SHC3: variants seen among roughly 807,000 people sequenced by gnomAD.
SHC3 encodes SHC-transforming protein 3.
A neutral mutation model predicts 60.4 loss-of-function variants in SHC3; 15 were observed. That is an observed-to-expected ratio of 0.25 (90% confidence interval 0.17 to 0.38). The LOEUF (loss-of-function observed/expected upper bound fraction) is 0.38, where lower values mean the gene tolerates loss of function less well. Among genes scored for constraint, SHC3 ranks in the 10% least tolerant of loss-of-function variants. The pLI, the probability that SHC3 is intolerant of heterozygous loss-of-function variation, is 1.00. For missense variants in SHC3, 677 were observed against 786.1 expected, an observed-to-expected ratio of 0.86 and a Z score of 1.66; for synonymous variants, 294 against 325.9, an observed-to-expected ratio of 0.90 and a Z score of 1.05.
intron 1 of SHC3, among the ~76,000 whole-genome samples, chr9:89,131,922 G>C (rs2118170002): frequency 6.6e-6 from 1 of 152,298 alleles, no homozygotes; most frequent in East Asian, 1.9e-4. Context: ...AATCAGGCAA[G>C]AGAAAGAAAT....
chr9:89,143,537 C>T (rs1826426138), intron 1 of SHC3, among the ~76,000 whole-genome samples: 1 of 152,108 alleles, frequency 6.6e-6, no homozygotes, highest in Non-Finnish European at 1.5e-5. Flanking sequence ...TCTGACACTT[C>T]CACCCAGGAG....
At chr9:89,145,627 G>C (rs1785130139) in intron 1 of SHC3, among the ~76,000 whole-genome samples, 1 of 152,176 alleles carries the variant, frequency 6.6e-6, no homozygotes, top group Admixed American at 6.5e-5. Context: ...GGAGTAATAG[G>C]ACAAACTTTC....
intron 1 of SHC3, among the ~76,000 whole-genome samples, chr9:89,166,410 T>C (rs906251925): frequency 3.9e-5 from 6 of 151,968 alleles, no homozygotes; most frequent in South Asian, 2.1e-4. Context: ...GATGAAGGAA[T>C]ACACTAGTGA....
chr9:89,080,393 C>T (rs929672065), intron 2 of SHC3, among the ~76,000 whole-genome samples: 4 of 152,276 alleles, frequency 2.6e-5, no homozygotes, highest in Middle Eastern at 3.4e-3. Flanking sequence ...CCAGCCCAAC[C>T]GCCAGATGTG....
At chr9:89,150,194 G>T (rs1244413909) in intron 1 of SHC3, among the ~76,000 whole-genome samples, 1 of 152,138 alleles carries the variant, frequency 6.6e-6, no homozygotes, top group African/African-American at 2.4e-5. Context: ...CACGTATGGG[G>T]TTCAGTATTA....
At chr9:89,036,707 G>T (rs1293421007) in intron 11 of SHC3, among the ~76,000 whole-genome samples, 2 of 152,120 alleles carry the variant, frequency 1.3e-5, no homozygotes, top group African/African-American at 4.8e-5. Flanking sequence ...AACAAAATGG[G>T]ATTTGTGGAA....
chr9:89,031,172 C>A (rs1824480907), intron 11 of SHC3, among the ~76,000 whole-genome samples: 1 of 152,174 alleles, frequency 6.6e-6, no homozygotes, highest in East Asian at 1.9e-4. Context: ...AGATGTGAGC[C>A]ACCACACCTG....
rs572522230 is a variant in SHC3 at position 89,142,180 on chromosome 9, A to G, written c.475-29554T>C. On this transcript the variant is annotated intron_variant, in intron 1 of 11. Coordinates refer to ENST00000375835, the MANE Select transcript of SHC3 (RefSeq NM_016848.6). ...AGGACTTTACTAAATGGCTCCTCCA[A>G]CCCCCTAAATCTTAGGAATGACTCT... is the stretch of plus-strand genomic sequence containing the variant. 2.0e-5 allele frequency among the ~76,000 whole-genome samples: 3 copies of G among 152,198 alleles called. No homozygotes were observed. In the East Asian group the frequency reaches 5.8e-4, roughly 29 times the overall value.
intron 11 of SHC3, among the ~76,000 whole-genome samples, chr9:89,014,419 G>A (rs948855838): frequency 6.6e-6 from 1 of 152,136 alleles, no homozygotes; most frequent in Admixed American, 6.5e-5. Context: ...CAATCTCCTG[G>A]GAGTTGCATG....
intron 11 of SHC3, among the ~76,000 whole-genome samples, chr9:89,023,124 A>G (rs1022948728): frequency 6.6e-6 from 1 of 152,088 alleles, no homozygotes; most frequent in Non-Finnish European, 1.5e-5. Context: ...AGAAGCGAAC[A>G]CTCAGGGAGA....
intron 1 of SHC3, among the ~76,000 whole-genome samples, chr9:89,137,016 A>G (rs1826329757): frequency 6.6e-6 from 1 of 152,158 alleles, no homozygotes; most frequent in Non-Finnish European, 1.5e-5. Context: ...ACATGCTTGG[A>G]GCAGGATGGA....
intron 1 of SHC3, among the ~76,000 whole-genome samples, chr9:89,118,819 C>T (rs1292153626): frequency 6.6e-6 from 1 of 152,132 alleles, no homozygotes; most frequent in East Asian, 1.9e-4. Context: ...AGAAATTTAA[C>T]CACCCACAGA....
At chr9:89,080,813 C>T (rs1301364509) in intron 2 of SHC3, among the ~76,000 whole-genome samples, 2 of 145,878 alleles carry the variant, frequency 1.4e-5, no homozygotes, top group African/African-American at 2.5e-5. Context: ...TTCACCCAGG[C>T]TGGACTGCAG....
At chr9:89,069,061 C>T (rs1257094489) in intron 5 of SHC3, among the ~76,000 whole-genome samples, 1 of 152,224 alleles carries the variant, frequency 6.6e-6, no homozygotes, top group East Asian at 1.9e-4. Context: ...GTAATCCCAG[C>T]ACTTTGGGAG....
In SHC3 at chr9:89,122,160, G is replaced by A. The variant is rs1324826383; in HGVS notation, c.475-9534C>T. 2.0e-5 allele frequency among the ~76,000 whole-genome samples: 3 copies of A among 152,160 alleles called. 1 individual carries two copies. Among genetic ancestry groups the A allele is most frequent in the East Asian group, 3.9e-4 (2 of 5,194 alleles). ...GGACACCTGGGAATCCATTTCACATGCACTCATACACAGACCATTATTGGT... is the reference window on the plus strand; with the variant it reads ...GGACACCTGGGAATCCATTTCACATACACTCATACACAGACCATTATTGGT... On this transcript the variant is annotated intron_variant, in intron 1 of 11. Coordinates refer to ENST00000375835, the MANE Select transcript of SHC3 (RefSeq NM_016848.6).
At chr9:89,016,245 A>T (rs1826091404) in intron 11 of SHC3, among the ~76,000 whole-genome samples, 1 of 152,174 alleles carries the variant, frequency 6.6e-6, no homozygotes, top group Non-Finnish European at 1.5e-5. Flanking sequence ...AAGAACATTA[A>T]GAAGACAATA....
Position 89,175,330 on chromosome 9 carries a change from G to C in SHC3, c.474+2657C>G, listed in dbSNP as rs1017940008. Reference sequence around the variant, plus strand: ...TTATTTAGCAGCAAACTCAATGATGGACCAATTAGACATGCTTTGAGCTTT... The same window carrying C: ...TTATTTAGCAGCAAACTCAATGATGCACCAATTAGACATGCTTTGAGCTTT... On this transcript the variant is annotated intron_variant, in intron 1 of 11. Coordinates refer to ENST00000375835, the MANE Select transcript of SHC3 (RefSeq NM_016848.6). Among the ~76,000 whole-genome samples, 13 of 152,310 alleles carry C rather than the reference G, an allele frequency of 8.5e-5. No homozygotes were observed. The South Asian group carries it at 1.2e-3, about 15-fold the overall frequency.
intron 11 of SHC3, among the ~76,000 whole-genome samples, chr9:89,017,694 A>G (rs1244430725): frequency 6.6e-6 from 1 of 152,236 alleles, no homozygotes; most frequent in East Asian, 1.9e-4. Flanking sequence ...AGAAACTATC[A>G]TCAGAGTGAA....
intron 2 of SHC3, among the ~76,000 whole-genome samples, chr9:89,085,572 C>T (rs1469700494): frequency 1.3e-5 from 2 of 152,232 alleles, no homozygotes; most frequent in Non-Finnish European, 2.9e-5. Context: ...TAGGCTGAGA[C>T]AATAGAATTC....
Sources: gnomAD v4.1 joint callset for allele counts (sites outside exome capture counted in the v4.1 genomes callset) on GRCh38, gnomAD v4.1.1 for gene constraint, MANE v1.5 for transcripts, NCBI Gene and HGNC (gene_info 2026-07-23, HGNC 2026-07-21) for gene names.